TBC1D9: variants seen among roughly 807,000 people sequenced by gnomAD.
TBC1D9 encodes the protein TBC1 domain family member 9.
A neutral mutation model predicts 132.0 loss-of-function variants in TBC1D9; 63 were observed. The ratio of observed to expected loss-of-function variants is 0.48; its 90% CI spans 0.39 to 0.59. The LOEUF (loss-of-function observed/expected upper bound fraction) is 0.59. TBC1D9 is among the 20% of genes least tolerant of loss of function. The pLI is 0.00. For synonymous variants in TBC1D9, 610 were observed against 609.9 expected, an observed-to-expected ratio of 1.00 and a Z score of 0.00; for missense variants, 1,261 against 1,592.7, an observed-to-expected ratio of 0.79 and a Z score of 3.54.
chr4:140,624,871 G>A (rs553323080), intron 18 of TBC1D9, among the ~76,000 whole-genome samples: 2 of 152,264 alleles, frequency 1.3e-5, no homozygotes, highest in South Asian at 2.1e-4. Context: ...GGTCAACATG[G>A]TGAAACCCTG....
intron 20 of TBC1D9, among the ~76,000 whole-genome samples, chr4:140,623,666 C>G (rs1172693470): frequency 1.3e-5 from 2 of 152,222 alleles, no homozygotes; most frequent in Non-Finnish European, 2.9e-5. Context: ...TTAGTGCTTT[C>G]AGTCTCCACC....
chr4:140,697,081 A>G (rs1337627578), intron 2 of TBC1D9, among the ~76,000 whole-genome samples: 1 of 152,176 alleles, frequency 6.6e-6, no homozygotes, highest in African/African-American at 2.4e-5. Context: ...AGTAAGAAAG[A>G]ACAATTAATA....
At chr4:140,678,642 T>C (rs1186278056) in intron 5 of TBC1D9, among the ~76,000 whole-genome samples, 1 of 152,136 alleles carries the variant, frequency 6.6e-6, no homozygotes, top group Non-Finnish European at 1.5e-5. Flanking sequence ...CAGCCTCCAC[T>C]GAGAGGCCTT....
At chr4:140,656,953 G>A in intron 13 of TBC1D9, 144 bp downstream of exon 13, 2 of 1,016,748 alleles carry the variant, frequency 2.0e-6, no homozygotes, top group South Asian at 2.2e-5. Context: ...GCCTTGATTT[G>A]GGGCGTCCCA....
At chr4:140,686,514 TA>T in intron 2 of TBC1D9, 52 bp from the exon 3 acceptor site, 2 of 1,227,182 alleles carry the variant, frequency 1.6e-6, no homozygotes, top group Non-Finnish European at 2.4e-6. Flanking sequence ...AAAGATATTT[TA>T]AAAACCAGGC....
intron 3 of TBC1D9, 30 bp from the exon 4 acceptor site, chr4:140,679,873 A>T: frequency 6.4e-7 from 1 of 1,556,738 alleles, no homozygotes; most frequent in Middle Eastern, 1.7e-4. Flanking sequence ...AAAGCACACA[A>T]CTGGTATTAA....
At chr4:140,654,611 A>G (rs895652424) in intron 13 of TBC1D9, among the ~76,000 whole-genome samples, 7 of 152,322 alleles carry the variant, frequency 4.6e-5, no homozygotes, top group South Asian at 4.1e-4. Context: ...AAAGCAACCC[A>G]CAGATAGAAA....
intron 1 of TBC1D9, among the ~76,000 whole-genome samples, chr4:140,745,823 C>T (rs538629914): frequency 9.2e-5 from 14 of 152,250 alleles, no homozygotes; most frequent in African/African-American, 3.1e-4. Context: ...CTAGTTGCAA[C>T]TTTACTAATA....
chr4:140,716,822 C>T (rs997025322), intron 1 of TBC1D9, among the ~76,000 whole-genome samples: 1 of 151,214 alleles, frequency 6.6e-6, no homozygotes, highest in Non-Finnish European at 1.5e-5. Flanking sequence ...ACACCTAGTT[C>T]CTTAAAGCAA....
chr4:140,626,101 T>C (rs1736706558), intron 18 of TBC1D9, among the ~76,000 whole-genome samples: 1 of 152,216 alleles, frequency 6.6e-6, no homozygotes, highest in Non-Finnish European at 1.5e-5. Flanking sequence ...CTAAGAAATG[T>C]GTGGAGAACA....
intron 10 of TBC1D9, among the ~76,000 whole-genome samples, chr4:140,660,013 A>C (rs903862142): frequency 6.6e-6 from 1 of 152,196 alleles, no homozygotes; most frequent in Non-Finnish European, 1.5e-5. Flanking sequence ...CCTATTCCAA[A>C]AATTTGCCCA....
At chr4:140,743,001 G>A (rs1738784219) in intron 1 of TBC1D9, among the ~76,000 whole-genome samples, 1 of 151,808 alleles carries the variant, frequency 6.6e-6, no homozygotes, top group African/African-American at 2.4e-5. Context: ...GGGAAGGAAG[G>A]AGAGAGAAAG....
intron 13 of TBC1D9, chr4:140,642,353 C>A (rs1737016306): frequency 2.4e-6 from 2 of 826,798 alleles, no homozygotes; most frequent in Non-Finnish European, 4.1e-6. Context: ...CTTTGGCGGC[C>A]CTTTTGTGTT....
chr4:140,756,109 C>G lies in TBC1D9; in HGVS notation c.-64G>C. On this transcript the variant is annotated 5_prime_UTR_variant, in exon 1 of 21. Transcript: ENST00000442267. The surrounding 1 kb of genome is among the most constrained non-coding windows in gnomAD (Gnocchi z 5.6). ...GGGTCCAGTCCTGCACCCACCACCG[C>G]GACAGGCGCGCACTCCTGGGCACAC... The G allele has an allele frequency of 7.0e-7, 1 of 1,437,748 alleles. No homozygotes were observed. The highest frequency in any genetic ancestry group is 9.3e-7 in the Non-Finnish European group (1 of 1,072,346). 89.1% of individuals were successfully genotyped at this position (1,437,748 alleles called of 1,614,324 possible).
intron 10 of TBC1D9, among the ~76,000 whole-genome samples, chr4:140,661,126 G>A (rs1430754429): frequency 6.6e-6 from 1 of 152,134 alleles, no homozygotes; most frequent in Non-Finnish European, 1.5e-5. Context: ...GTGTTAGCCA[G>A]GATGGTCTCG....
At chr4:140,628,885 A>G (rs1736751289) in intron 16 of TBC1D9, among the ~76,000 whole-genome samples, 1 of 152,150 alleles carries the variant, frequency 6.6e-6, no homozygotes, top group Non-Finnish European at 1.5e-5. Flanking sequence ...TATTTCCTTA[A>G]TTTATCTGAA....
In TBC1D9 at chr4:140,708,541, C is replaced by T. The variant is rs559305554; in HGVS notation, c.131-6927G>A. On this transcript the variant is annotated intron_variant, in intron 1 of 20. Coordinates refer to ENST00000442267, the MANE Select transcript of TBC1D9 (RefSeq NM_015130.3). ...AATTGAAACCCTTGTGCCCAACACA[C>T]AGACTGGTAAATACGGTTTGCACAC... is the stretch of plus-strand genomic sequence containing the variant. Among the ~76,000 whole-genome samples, 50 of 152,280 alleles carry T rather than the reference C, an allele frequency of 3.3e-4. 1 individual carries two copies. The highest frequency in any genetic ancestry group is 1.2e-3 in the African/African-American group (49 of 41,554).
At chr4:140,679,957 C>A in intron 3 of TBC1D9, 114 bp from the exon 4 acceptor site, 1 of 818,866 alleles carries the variant, frequency 1.2e-6, no homozygotes, top group Non-Finnish European at 1.8e-6. Flanking sequence ...TTGAGGAATG[C>A]CCTTCAATGG....
At chr4:140,719,191 C>T (rs1738386172) in intron 1 of TBC1D9, among the ~76,000 whole-genome samples, 1 of 151,878 alleles carries the variant, frequency 6.6e-6, no homozygotes, top group Non-Finnish European at 1.5e-5. Context: ...TTCATTTCCC[C>T]ACTCACAAGC....
Sources: allele counts gnomAD v4.1 joint callset (sites outside exome capture counted in the v4.1 genomes callset), GRCh38; gene constraint gnomAD v4.1.1; non-coding constraint Gnocchi (gnomAD v3.1); transcripts MANE v1.5; gene names NCBI Gene and HGNC (gene_info 2026-07-23, HGNC 2026-07-21).